The following CCDC3 variants were observed in gnomAD, a reference collection of about 807,000 sequenced individuals.
CCDC3 encodes the protein coiled-coil domain containing 3.
A neutral mutation model predicts 21.4 loss-of-function variants in CCDC3; 24 were observed. The observed-to-expected ratio is 1.12, with a 90% confidence interval of 0.81 to 1.58. The LOEUF is 1.58. Among genes scored for constraint, CCDC3 ranks in the 40% most tolerant of loss-of-function variants. CCDC3 has a pLI of 0.00. For missense variants in CCDC3, 425 were observed against 360.9 expected, an observed-to-expected ratio of 1.18 and a Z score of -1.44; for synonymous variants, 186 against 166.0, an observed-to-expected ratio of 1.12 and a Z score of -0.93.
intron 2 of CCDC3, among the ~76,000 whole-genome samples, chr10:12,907,586 G>A (rs1834193229): frequency 6.6e-6 from 1 of 152,198 alleles, no homozygotes; most frequent in Non-Finnish European, 1.5e-5. Context: ...GGAGTTGGCA[G>A]TGAGCTGAGA....
intron 2 of CCDC3, among the ~76,000 whole-genome samples, chr10:12,968,050 TC>T: frequency 6.6e-6 from 1 of 151,840 alleles, no homozygotes; most frequent in Non-Finnish European, 1.5e-5. Context: ...GTGCCTGTAA[TC>T]CCAGCTACTC....
chr10:13,041,654 A>G (rs558136542), intron 5 of CCDC3, among the ~76,000 whole-genome samples: 1 of 151,660 alleles, frequency 6.6e-6, no homozygotes, highest in South Asian at 2.1e-4. Context: ...TCTCCCGAGT[A>G]GCTGGGACTA....
intron 2 of CCDC3, among the ~76,000 whole-genome samples, chr10:12,962,029 C>T (rs1340997098): frequency 1.3e-5 from 2 of 152,136 alleles, no homozygotes; most frequent in African/African-American, 4.8e-5. Flanking sequence ...AATAATGGAA[C>T]GTTGCTCTCT....
rs1834043011 is a variant in CCDC3 at position 12,898,494 on chromosome 10, G to C, written c.735C>G (p.Leu245=). ...GRHLELANQK[L]SEKLAAGALP... is the part of the protein sequence containing the mutation. ...GCGCGCCCGCCGCCAGCTTCTCACT[G>C]AGTTTCTGGTTCGCCAGCTCCAGGT... Residue 245 remains leucine (L), a synonymous_variant, in exon 3 of 3, where the codon CTC becomes CTG. Coordinates refer to ENST00000378825, the MANE Select transcript of CCDC3 (RefSeq NM_031455.4). 1.2e-6 allele frequency: 2 copies of C among 1,614,064 alleles called. No individual in the cohort carries two copies. Among genetic ancestry groups the C allele is most frequent in the Non-Finnish European group, 1.7e-6 (2 of 1,179,962 alleles).
intron 2 of CCDC3, among the ~76,000 whole-genome samples, chr10:12,987,934 G>T (rs11816881): frequency 2.0e-5 from 3 of 152,158 alleles, no homozygotes; most frequent in Non-Finnish European, 4.4e-5. Context: ...GACAGTTCCA[G>T]TGGTTTCCCA....
chr10:12,965,997 A>C (rs944095000), intron 2 of CCDC3, among the ~76,000 whole-genome samples: 10 of 152,168 alleles, frequency 6.6e-5, no homozygotes, highest in Non-Finnish European at 1.5e-4. Flanking sequence ...TCCAGCACAG[A>C]GTGAATCCAC....
intron 4 of CCDC3, among the ~76,000 whole-genome samples, chr10:13,060,755 T>C (rs1275542840): frequency 6.6e-6 from 1 of 152,142 alleles, no homozygotes; most frequent in Admixed American, 6.5e-5. Context: ...GTCCTCCCTC[T>C]TCGGCCTCCC....
At chr10:13,044,643 T>TGTGTGTTG (rs1836500720) in intron 5 of CCDC3, among the ~76,000 whole-genome samples, 1 of 152,204 alleles carries the variant, frequency 6.6e-6, no homozygotes, top group Non-Finnish European at 1.5e-5. Context: ...TTGTTGAAGA[T>TGTGTGTTG]CAGATGGCTG....
intron 3 of CCDC3, among the ~76,000 whole-genome samples, chr10:13,076,064 A>G (rs966247010): frequency 6.6e-6 from 1 of 152,072 alleles, no homozygotes; most frequent in African/African-American, 2.4e-5. Flanking sequence ...CCTATCTTAA[A>G]ACAAGCAAAC....
At chr10:12,914,754 G>GT (rs1354784947) in intron 2 of CCDC3, among the ~76,000 whole-genome samples, 2 of 152,154 alleles carry the variant, frequency 1.3e-5, no homozygotes, top group East Asian at 3.9e-4. Flanking sequence ...GGCCTGAGTT[G>GT]TCTTTTTTTA....
At chr10:12,933,489 C>G (rs1298090942) in intron 2 of CCDC3, among the ~76,000 whole-genome samples, 1 of 140,316 alleles carries the variant, frequency 7.1e-6, no homozygotes, top group Non-Finnish European at 1.5e-5. Context: ...GAGTCTTGCT[C>G]TGTTGCCCAG....
intron 2 of CCDC3, among the ~76,000 whole-genome samples, chr10:12,954,662 A>T (rs1835057101): frequency 6.6e-6 from 1 of 151,912 alleles, no homozygotes; most frequent in African/African-American, 2.4e-5. Flanking sequence ...CAGAGTGAAA[A>T]CTCATTCATT....
chr10:13,084,290 T>C (rs1837076882), intron 3 of CCDC3, among the ~76,000 whole-genome samples: 3 of 150,286 alleles, frequency 2.0e-5, no homozygotes, highest in Non-Finnish European at 4.4e-5. Context: ...TTCTTTTCTT[T>C]TTTTTTTTTT....
chr10:12,935,468 G>A (rs980701875), intron 2 of CCDC3, among the ~76,000 whole-genome samples: 1 of 152,166 alleles, frequency 6.6e-6, no homozygotes, highest in African/African-American at 2.4e-5. Flanking sequence ...TGGTATAGTT[G>A]TATTAGTATT....
At chr10:12,947,832 T>A (rs937050703) in intron 2 of CCDC3, among the ~76,000 whole-genome samples, 3 of 152,248 alleles carry the variant, frequency 2.0e-5, no homozygotes, top group Non-Finnish European at 4.4e-5. Flanking sequence ...TCAGGTATTG[T>A]GCTAAGCACG....
At chr10:13,035,138 A>G (rs749345915) in intron 5 of CCDC3, among the ~76,000 whole-genome samples, 2 of 152,090 alleles carry the variant, frequency 1.3e-5, no homozygotes, top group African/African-American at 2.4e-5. Context: ...GGTAGAGAAC[A>G]CTGATCTCTC....
chr10:12,987,434 T>TA (rs1403467335), intron 2 of CCDC3, among the ~76,000 whole-genome samples: 2 of 152,204 alleles, frequency 1.3e-5, no homozygotes, highest in African/African-American at 4.8e-5. Context: ...TCTGTCCTTA[T>TA]TAGTATGTTA....
intron 2 of CCDC3, among the ~76,000 whole-genome samples, chr10:12,997,720 C>T (rs531970779): frequency 5.3e-5 from 8 of 152,302 alleles, no homozygotes; most frequent in South Asian, 4.1e-4. Context: ...ACAGTCGTAA[C>T]GGCTCACATG....
Position 12,967,094 on chromosome 10 carries a change from A to G in CCDC3, c.549+31244T>C, listed in dbSNP as rs116225741. Among the ~76,000 whole-genome samples, 551 of 152,346 alleles carry G rather than the reference A, an allele frequency of 3.6e-3. 1 individual carries two copies. The highest frequency in any genetic ancestry group is 0.012 in the African/African-American group (517 of 41,580). On this transcript the variant is annotated intron_variant, in intron 2 of 2. Transcript: ENST00000378825. ...CCCAGGGTGAGGCAGCTGTGAAACCATGCCCCTCTCCACCTTCTCCCATAA... is the reference window on the plus strand; with the variant it reads ...CCCAGGGTGAGGCAGCTGTGAAACCGTGCCCCTCTCCACCTTCTCCCATAA...
Sources: gnomAD v4.1 joint callset for allele counts (sites outside exome capture counted in the v4.1 genomes callset) on GRCh38, gnomAD v4.1.1 for gene constraint, MANE v1.5 for transcripts, NCBI Gene and HGNC (gene_info 2026-07-23, HGNC 2026-07-21) for gene names.